PTPRT: variants seen among roughly 807,000 people sequenced by gnomAD.
PTPRT encodes the protein receptor-type tyrosine-protein phosphatase T.
PTPRT carries 56 observed loss-of-function variants against 176.8 expected under a neutral mutation model. The observed-to-expected ratio is 0.32, with a 90% CI of 0.26 to 0.40. The LOEUF (loss-of-function observed/expected upper bound fraction) is 0.40. Among genes scored for constraint, PTPRT ranks in the 10% least tolerant of loss-of-function variants. The probability of loss-of-function intolerance (pLI) is 1.00; values close to 1 mark genes in which losing one functional copy is unlikely to be tolerated. For synonymous variants in PTPRT, 783 were observed against 739.0 expected (o/e 1.06, Z -0.96); for missense variants, 1,540 against 1,908.2 (o/e 0.81, Z 3.60).
At chr20:42,043,663 G>GAA in the PTPRT span, among the ~76,000 whole-genome samples, 2 of 152,174 alleles carry the variant, frequency 1.3e-5, no homozygotes, top group African/African-American at 4.8e-5. Flanking sequence ...ACATGAGTGA[G>GAA]AAATAAACAT....
intron 1 of PTPRT, among the ~76,000 whole-genome samples, chr20:43,041,359 A>G (rs1351992743): frequency 6.6e-6 from 1 of 152,242 alleles, no homozygotes; most frequent in Non-Finnish European, 1.5e-5. Context: ...TGTTGTTATA[A>G]TTAGCTTTAG....
At chr20:42,083,255 C>T (rs1983541306) in intron 29 of PTPRT, among the ~76,000 whole-genome samples, 1 of 151,962 alleles carries the variant, frequency 6.6e-6, no homozygotes, top group South Asian at 2.1e-4. Flanking sequence ...TGAGTAGACA[C>T]AGGGTCTCAG....
chr20:42,914,253 T>A (rs1388217508), intron 1 of PTPRT, among the ~76,000 whole-genome samples: 1 of 152,206 alleles, frequency 6.6e-6, no homozygotes, highest in African/African-American at 2.4e-5. Context: ...GGGTGGTATC[T>A]TTTCCAGTTC....
intron 1 of PTPRT, among the ~76,000 whole-genome samples, chr20:43,168,762 C>T (rs1463875011): frequency 2.6e-5 from 4 of 152,100 alleles, no homozygotes; most frequent in Non-Finnish European, 5.9e-5. Context: ...ACCTGTGCCC[C>T]TTTTTATGTA....
At chr20:43,118,269 G>A (rs1307768621) in intron 1 of PTPRT, among the ~76,000 whole-genome samples, 1 of 152,114 alleles carries the variant, frequency 6.6e-6, no homozygotes, top group South Asian at 2.1e-4. Flanking sequence ...CTAAAAGAAT[G>A]AGTAAATATT....
chr20:43,018,906 C>T (rs1330210590), intron 1 of PTPRT, among the ~76,000 whole-genome samples: 4 of 152,140 alleles, frequency 2.6e-5, no homozygotes, highest in Non-Finnish European at 5.9e-5. Context: ...TTACAGCCCT[C>T]TATTGGGAAA....
At chr20:42,756,352 TCTC>T (rs2076832109) in intron 6 of PTPRT, 107 bp downstream of exon 6, 4 of 1,160,544 alleles carry the variant, frequency 3.4e-6, no homozygotes, top group South Asian at 4.3e-5. Flanking sequence ...TAGAAATTAA[TCTC>T]CTCTTTTACT....
intron 2 of PTPRT, among the ~76,000 whole-genome samples, chr20:42,860,668 A>G (rs1256650548): frequency 2.0e-5 from 3 of 151,996 alleles, no homozygotes; most frequent in Non-Finnish European, 4.4e-5. Context: ...ATGTTTCCTA[A>G]CTGGTGATTG....
chr20:42,117,707 G>A (rs564846723), intron 21 of PTPRT, among the ~76,000 whole-genome samples: 4 of 152,294 alleles, frequency 2.6e-5, no homozygotes, highest in East Asian at 1.9e-4. Context: ...GAGGAGCTAC[G>A]CTGCGGTGGG....
At chr20:42,037,951 G>A in the PTPRT span, among the ~76,000 whole-genome samples, 6 of 152,134 alleles carry the variant, frequency 3.9e-5, no homozygotes, top group Admixed American at 3.9e-4. Flanking sequence ...GCCAGCAATA[G>A]CAGGTAACAT....
chr20:42,083,189 T>C (rs1338575149), intron 29 of PTPRT, among the ~76,000 whole-genome samples: 2 of 149,440 alleles, frequency 1.3e-5, no homozygotes, highest in Admixed American at 6.6e-5. Flanking sequence ...AGGTCTCCTA[T>C]GAAAGACGGT....
chr20:42,791,249 C>T lies in PTPRT; in HGVS notation c.432G>A (p.Glu144=), dbSNP rs1402750392. The T allele has an allele frequency of 6.2e-7, 1 of 1,612,152 alleles. No individual in the cohort carries two copies. Among genetic ancestry groups the T allele is most frequent in the Non-Finnish European group, 8.5e-7 (1 of 1,178,366 alleles). The change falls in exon 3 of 31, where the codon GAG becomes GAA. Residue 144 remains glutamate (E), a synonymous_variant. Coordinates refer to ENST00000373187, the MANE Select transcript of PTPRT (RefSeq NM_007050.6). The part of the protein sequence containing the change: ...PVWNVSGVVT[E]GWVKAELAIS... ...TGGCGAGCTCTGCCTTCACCCAGCC[C>T]TCAGTGACGACCCCGGACACATTCC...
At chr20:42,625,240 A>T (rs1004408620) in intron 7 of PTPRT, among the ~76,000 whole-genome samples, 3 of 152,164 alleles carry the variant, frequency 2.0e-5, no homozygotes, top group African/African-American at 7.2e-5. Context: ...CCTGGAGAAG[A>T]TGTTTAATTT....
intron 15 of PTPRT, among the ~76,000 whole-genome samples, chr20:42,220,923 A>T (rs2055871819): frequency 6.6e-6 from 1 of 152,238 alleles, no homozygotes; most frequent in South Asian, 2.1e-4. Context: ...ATTGTGAAAC[A>T]ACGAATGATC....
At chr20:42,124,052 C>T (rs143798872) in intron 19 of PTPRT, among the ~76,000 whole-genome samples, 314 of 152,272 alleles carry the variant, frequency 2.1e-3, no homozygotes, top group African/African-American at 7.2e-3. Context: ...CCTGTTCCCA[C>T]GCTGCATCTG....
At chr20:42,809,222 G>C (rs989718462) in intron 2 of PTPRT, among the ~76,000 whole-genome samples, 3 of 152,184 alleles carry the variant, frequency 2.0e-5, no homozygotes, top group Non-Finnish European at 4.4e-5. Flanking sequence ...CTCCAAACCT[G>C]CTCTGAGGCT....
In PTPRT at chr20:42,107,192, A is replaced by G. The variant is rs533376165; in HGVS notation, c.3255-271T>C. On this transcript the variant is annotated intron_variant, in intron 23 of 30. Coordinates refer to ENST00000373187, the MANE Select transcript of PTPRT (RefSeq NM_007050.6). ...GGCATGCTGGAGCTGCCTCATAGAT[A>G]TGTCTTTCCTATTTTCTACCCTTCT... 9.2e-5 allele frequency among the ~76,000 whole-genome samples: 14 copies of G among 151,754 alleles called. No homozygotes were observed. In the South Asian group the frequency reaches 2.9e-3, roughly 32 times the overall value.
chr20:42,316,047 G>A (rs1479652819), intron 11 of PTPRT, 51 bp from the exon 12 acceptor site: 1 of 1,590,058 alleles, frequency 6.3e-7, no homozygotes, highest in East Asian at 2.2e-5. Flanking sequence ...CTGGAAGAAT[G>A]AGCTTGTTAG....
intron 1 of PTPRT, among the ~76,000 whole-genome samples, chr20:43,182,860 A>T (rs2015297708): frequency 6.6e-6 from 1 of 152,150 alleles, no homozygotes; most frequent in Non-Finnish European, 1.5e-5. Context: ...AAACAAAACA[A>T]AAAACGTTGC....
Sources: allele counts gnomAD v4.1 joint callset (sites outside exome capture counted in the v4.1 genomes callset), GRCh38; gene constraint gnomAD v4.1.1; transcripts MANE v1.5; gene names NCBI Gene and HGNC (gene_info 2026-07-23, HGNC 2026-07-21).